The following PRKCH variants were observed in gnomAD, a reference collection of about 807,000 sequenced individuals.
PRKCH encodes protein kinase C eta.
PRKCH carries 28 observed loss-of-function variants against 82.5 expected under a neutral mutation model. The observed-to-expected ratio is 0.34, with a 90% confidence interval of 0.25 to 0.47. PRKCH has a LOEUF of 0.47. Among genes scored for constraint, PRKCH ranks in the 20% least tolerant of loss-of-function variants. The pLI, the probability that PRKCH is intolerant of heterozygous loss-of-function variation, is 1.00. For missense variants in PRKCH, 705 were observed against 881.8 expected (o/e 0.80, Z 2.54); for synonymous variants, 322 against 327.4 (o/e 0.98, Z 0.18).
intron 1 of PRKCH, among the ~76,000 whole-genome samples, chr14:61,227,647 C>T (rs1368991754): frequency 6.6e-6 from 1 of 151,894 alleles, no homozygotes; most frequent in East Asian, 1.9e-4. Flanking sequence ...GGGTTAAATG[C>T]GAACATTTTT....
chr14:61,224,047 A>G (rs2044676979), intron 1 of PRKCH, among the ~76,000 whole-genome samples: 1 of 152,220 alleles, frequency 6.6e-6, no homozygotes, highest in Non-Finnish European at 1.5e-5. Context: ...CATATGTTTC[A>G]TAACTCAAAA....
intron 1 of PRKCH, among the ~76,000 whole-genome samples, chr14:61,312,843 T>G (rs1387344342): frequency 1.3e-5 from 2 of 152,092 alleles, no homozygotes; most frequent in Non-Finnish European, 1.5e-5. Context: ...GCGATCTGGG[T>G]GGCACACAGC....
intron 1 of PRKCH, among the ~76,000 whole-genome samples, chr14:61,188,855 G>T (rs1594843361): frequency 6.6e-6 from 1 of 151,966 alleles, no homozygotes; most frequent in Non-Finnish European, 1.5e-5. Flanking sequence ...GAGCAACTGA[G>T]ATTACAGGCG....
chr14:61,459,461 G>A (rs906984961), intron 9 of PRKCH, among the ~76,000 whole-genome samples: 7 of 152,194 alleles, frequency 4.6e-5, no homozygotes, highest in African/African-American at 7.2e-5. Context: ...ACAGCATATC[G>A]AGGTTGAACA....
chr14:61,542,270 C>G (rs192800467), intron 12 of PRKCH, among the ~76,000 whole-genome samples: 112 of 150,618 alleles, frequency 7.4e-4, no homozygotes, highest in Admixed American at 3.0e-3. Context: ...CCAGCCTAGA[C>G]AGCAAGAGCG....
rs141261652 is a variant in PRKCH, at chr14:61,198,351, G to C, written c.-19+10683G>C. ...TACTGGAAGCTCCCCAAACATGACC[G>C]GTTCTTCCATCCTCCATGCCTTATG... is the stretch of plus-strand genomic sequence containing the variant. On this transcript the variant is annotated intron_variant, in intron 1 of 3. Coordinates refer to the PRKCH transcript ENST00000555185. 6.0e-3 allele frequency among the ~76,000 whole-genome samples: 906 copies of C among 152,136 alleles called. 9 individuals are homozygous for C. The highest frequency in any genetic ancestry group is 0.02 in the African/African-American group (847 of 41,476).
rs557877355 is a variant in PRKCH at position 61,538,976 on chromosome 14, GA to G, written c.1761+8387del. Among the ~76,000 whole-genome samples the G allele has an allele frequency of 2.7e-3, 405 of 152,296 alleles. 1 individual carries two copies. Among genetic ancestry groups the G allele is most frequent in the Middle Eastern group, 0.02 (6 of 294 alleles). On this transcript the variant is annotated intron_variant, in intron 12 of 13. Transcript: ENST00000332981. ...AGCTACATTTGGGGAATCATACCTG[GA>G]AAAAAGTAGTTCGTATAGCTTGGGC...
intron 1 of PRKCH, chr14:61,281,187 G>T (rs1369490493): frequency 8.1e-7 from 1 of 1,239,316 alleles, no homozygotes; most frequent in Admixed American, 4.3e-5. Flanking sequence ...TGACCGAGTG[G>T]GGGCCCCGCC....
In PRKCH at chr14:61,265,113, A is replaced by G. The variant is rs144281534; in HGVS notation, c.-19+77445A>G. On this transcript the variant is annotated intron_variant, in intron 1 of 3. Transcript: ENST00000555185. ...ACAATCCTCAACATAACCTTTTTCAAATTCTCAGTGGAAAATAACAGGGTT... is the reference window on the plus strand; with the variant it reads ...ACAATCCTCAACATAACCTTTTTCAGATTCTCAGTGGAAAATAACAGGGTT... Among the ~76,000 whole-genome samples the G allele has an allele frequency of 3.8e-4, 58 of 152,284 alleles. 2 individuals are homozygous for G. The East Asian group carries it at 9.8e-3, about 26-fold the overall frequency.
intron 1 of PRKCH, among the ~76,000 whole-genome samples, chr14:61,211,097 G>C (rs1389679278): frequency 6.6e-6 from 1 of 152,132 alleles, no homozygotes; most frequent in South Asian, 2.1e-4. Flanking sequence ...ACCTGTCTTT[G>C]TCTCTAAACA....
intron 1 of PRKCH, among the ~76,000 whole-genome samples, chr14:61,196,619 C>T (rs191139510): frequency 1.2e-4 from 18 of 152,294 alleles, no homozygotes; most frequent in African/African-American, 4.3e-4. Context: ...TTTTTGGCTG[C>T]ATAAATACAA....
chr14:61,540,658 C>T (rs552000961), intron 12 of PRKCH, among the ~76,000 whole-genome samples: 151 of 152,310 alleles, frequency 9.9e-4, no homozygotes, highest in Non-Finnish European at 1.7e-3. Flanking sequence ...ATGGCTACCA[C>T]TTCTTAAGCT....
At chr14:61,534,436 C>T (rs1020168101) in intron 12 of PRKCH, among the ~76,000 whole-genome samples, 1 of 152,146 alleles carries the variant, frequency 6.6e-6, no homozygotes. Context: ...TGACTTGACG[C>T]CTTTTTCCAG....
At chr14:61,369,592 C>T (rs2046340347) in intron 1 of PRKCH, among the ~76,000 whole-genome samples, 1 of 152,032 alleles carries the variant, frequency 6.6e-6, no homozygotes, top group South Asian at 2.1e-4. Context: ...TACATGTTTA[C>T]ACAATATAAG....
intron 1 of PRKCH, among the ~76,000 whole-genome samples, chr14:61,189,164 G>T (rs571774052): frequency 4.2e-4 from 64 of 152,348 alleles, no homozygotes; most frequent in African/African-American, 1.4e-3. Context: ...CCCCCGCGAG[G>T]CCCGGGCAGC....
At chr14:61,357,092 A>T (rs1428644967) in intron 1 of PRKCH, among the ~76,000 whole-genome samples, 1 of 152,212 alleles carries the variant, frequency 6.6e-6, no homozygotes, top group Non-Finnish European at 1.5e-5. Context: ...TCATCGGAAC[A>T]CTGGTCAGTA....
intron 1 of PRKCH, among the ~76,000 whole-genome samples, chr14:61,250,075 C>A (rs2044929720): frequency 6.1e-4 from 1 of 1,642 alleles, no homozygotes; most frequent in African/African-American, 2.7e-3. Flanking sequence ...GCCTGGCCAA[C>A]ATGGTGAAAC....
intron 10 of PRKCH, among the ~76,000 whole-genome samples, chr14:61,507,187 G>C (rs1422883068): frequency 6.6e-6 from 1 of 152,120 alleles, no homozygotes; most frequent in Non-Finnish European, 1.5e-5. Context: ...TTTATGAAAA[G>C]TTGCTCAACA....
intron 9 of PRKCH, among the ~76,000 whole-genome samples, chr14:61,461,737 G>A (rs973429442): frequency 3.9e-5 from 6 of 152,218 alleles, no homozygotes; most frequent in Non-Finnish European, 8.8e-5. Flanking sequence ...TTATGGTAGA[G>A]TAAAATGAGG....
Sources: gnomAD v4.1 joint callset for allele counts (sites outside exome capture counted in the v4.1 genomes callset) on GRCh38, gnomAD v4.1.1 for gene constraint, MANE v1.5 for transcripts, NCBI Gene and HGNC (gene_info 2026-07-23, HGNC 2026-07-21) for gene names.